The following ASAP1 variants were observed in gnomAD, a reference collection of about 807,000 sequenced individuals.
ASAP1 encodes the protein arf-GAP with SH3 domain, ANK repeat and PH domain-containing protein 1.
ASAP1 carries 43 observed loss-of-function variants against 145.2 expected under a neutral mutation model. The observed-to-expected ratio is 0.30, with a 90% CI of 0.23 to 0.38. ASAP1 has a LOEUF of 0.38. ASAP1 is among the 10% of genes least tolerant of loss of function. The probability of loss-of-function intolerance (pLI) is 1.00; values close to 1 mark genes in which losing one functional copy is unlikely to be tolerated. For synonymous variants in ASAP1, 546 were observed against 515.5 expected (o/e 1.06, Z -0.80); for missense variants, 1,018 against 1,355.3 (o/e 0.75, Z 3.91).
chr8:130,129,821 T>C (rs13250469), intron 15 of ASAP1, among the ~76,000 whole-genome samples: 34,999 of 152,050 alleles, frequency 0.23, 4,317 homozygotes, highest in South Asian at 0.37. Context: ...TGCAGAAAAC[T>C]GAACATTTCA....
chr8:130,130,680 CAAA>C (rs947060900), intron 15 of ASAP1, among the ~76,000 whole-genome samples: 21 of 152,218 alleles, frequency 1.4e-4, no homozygotes, highest in African/African-American at 4.8e-4. Flanking sequence ...CTTATCCTCT[CAAA>C]ATCCTGCAAT....
At position 130,054,707 on chromosome 8, in the gene ASAP1, AC is replaced by A. The variant is rs770545439; in HGVS notation, c.*23del. On this transcript the variant is annotated 3_prime_UTR_variant, in exon 30 of 30. Coordinates refer to ENST00000518721, the MANE Select transcript of ASAP1 (RefSeq NM_018482.4). ...CAGCAGTCTTGCATGAAGGATGTGG[AC>A]AATCTTAAGGTTCTGCGTTTTGCTA... 8 of 1,601,870 alleles carry A rather than the reference AC, an allele frequency of 5.0e-6. No individual in the cohort carries two copies. The Admixed American group carries it at 1.3e-4, about 27-fold the overall frequency.
chr8:130,402,158 T>C (rs1327569370), intron 1 of ASAP1, among the ~76,000 whole-genome samples, 188 bp from the exon 2 acceptor site: 2 of 152,224 alleles, frequency 1.3e-5, no homozygotes, highest in African/African-American at 2.4e-5. Context: ...GTGGGGCTGA[T>C]ACCTCCATCA....
chr8:130,102,356 A>G (rs2097530203), intron 24 of ASAP1, among the ~76,000 whole-genome samples: 1 of 152,210 alleles, frequency 6.6e-6, no homozygotes, highest in Admixed American at 6.5e-5. Context: ...TTAGGTCATC[A>G]TATGGCTTTT....
chr8:130,167,463 A>G (rs1418924603), intron 11 of ASAP1, 73 bp downstream of exon 11: 2 of 1,192,964 alleles, frequency 1.7e-6, no homozygotes, highest in South Asian at 2.4e-5. Context: ...CTTGCAGATC[A>G]GGAAACACAA....
At chr8:130,096,112 G>A (rs913670801) in intron 24 of ASAP1, among the ~76,000 whole-genome samples, 2 of 152,154 alleles carry the variant, frequency 1.3e-5, no homozygotes, top group African/African-American at 2.4e-5. Context: ...AAAGGAAGAT[G>A]CTACAAAATC....
At chr8:130,293,274 T>C (rs1414137180) in intron 3 of ASAP1, among the ~76,000 whole-genome samples, 2 of 152,188 alleles carry the variant, frequency 1.3e-5, no homozygotes, top group Non-Finnish European at 2.9e-5. Flanking sequence ...ATGCTGCTGG[T>C]CCCCATTCCC....
rs780381403 is a variant in ASAP1, at chr8:130,423,343, C to T, written c.-28+20117G>A. 3.9e-5 allele frequency among the ~76,000 whole-genome samples: 6 copies of T among 152,188 alleles called. No homozygotes were observed. In the East Asian group the frequency reaches 5.8e-4, roughly 15 times the overall value. On this transcript the variant is annotated intron_variant, in intron 1 of 29. Coordinates refer to ENST00000518721, the MANE Select transcript of ASAP1 (RefSeq NM_018482.4). ...TTAACATAATTGATAATGCCTGGGG[C>T]GGGCAAGAAATGTATACTTGCAAAA...
At chr8:130,233,095 C>T (rs948629359) in intron 4 of ASAP1, among the ~76,000 whole-genome samples, 2 of 152,198 alleles carry the variant, frequency 1.3e-5, no homozygotes, top group Admixed American at 1.3e-4. Context: ...GAAACCCTAT[C>T]AGGCCTCAAT....
At chr8:130,412,244 TC>T (rs1267753179) in intron 1 of ASAP1, among the ~76,000 whole-genome samples, 3 of 152,136 alleles carry the variant, frequency 2.0e-5, no homozygotes, top group Admixed American at 2.0e-4. Context: ...TGAATTATAA[TC>T]CCCAGTATTG....
At chr8:130,060,543 T>C (rs751474476) in intron 28 of ASAP1, 36 bp downstream of exon 28, 108 of 1,560,646 alleles carry the variant, frequency 6.9e-5, no homozygotes, top group Non-Finnish European at 5.0e-5. Context: ...AAGTGCGGAA[T>C]AGGGTTCCTA....
intron 13 of ASAP1, among the ~76,000 whole-genome samples, chr8:130,139,952 T>C (rs1010634852): frequency 6.7e-5 from 10 of 148,546 alleles, no homozygotes; most frequent in African/African-American, 1.7e-4. Context: ...AAAAACACCA[T>C]ACACTCAGCT....
intron 2 of ASAP1, among the ~76,000 whole-genome samples, chr8:130,367,693 T>G (rs1046588217): frequency 1.3e-5 from 2 of 152,182 alleles, no homozygotes; most frequent in Non-Finnish European, 2.9e-5. Flanking sequence ...TTGACATCAG[T>G]GTGACTACCA....
chr8:130,162,440 G>C (rs1368758356), intron 11 of ASAP1, among the ~76,000 whole-genome samples: 1 of 152,162 alleles, frequency 6.6e-6, no homozygotes, highest in South Asian at 2.1e-4. Flanking sequence ...AGGGCTTTCT[G>C]CTTTAATCCA....
At chr8:130,400,659 C>G (rs1312424773) in intron 2 of ASAP1, among the ~76,000 whole-genome samples, 1 of 151,934 alleles carries the variant, frequency 6.6e-6, no homozygotes, top group Admixed American at 6.5e-5. Flanking sequence ...GGCGTGATGG[C>G]AGGCGCCTGT....
intron 12 of ASAP1, among the ~76,000 whole-genome samples, chr8:130,156,098 A>G (rs879057580): frequency 6.6e-6 from 1 of 152,194 alleles, no homozygotes; most frequent in Non-Finnish European, 1.5e-5. Flanking sequence ...TTGTCTCTCA[A>G]TAATTGCCTC....
intron 1 of ASAP1, among the ~76,000 whole-genome samples, chr8:130,416,588 G>T (rs1236065909): frequency 6.6e-6 from 1 of 152,182 alleles, no homozygotes; most frequent in Non-Finnish European, 1.5e-5. Flanking sequence ...CTGTAAACTA[G>T]ATTTCTCTTA....
At chr8:130,113,839 T>C (rs967432696) in intron 23 of ASAP1, among the ~76,000 whole-genome samples, 1 of 151,662 alleles carries the variant, frequency 6.6e-6, no homozygotes, top group Non-Finnish European at 1.5e-5. Context: ...TGGAGTGCAA[T>C]GGGACAATCT....
At chr8:130,254,038 C>G (rs1565139246) in intron 3 of ASAP1, among the ~76,000 whole-genome samples, 1 of 152,034 alleles carries the variant, frequency 6.6e-6, no homozygotes, top group African/African-American at 2.4e-5. Context: ...AAACCTATGA[C>G]AATAAAACGT....
Sources: allele counts gnomAD v4.1 joint callset (sites outside exome capture counted in the v4.1 genomes callset), GRCh38; gene constraint gnomAD v4.1.1; transcripts MANE v1.5; gene names NCBI Gene and HGNC (gene_info 2026-07-23, HGNC 2026-07-21).